OSBPL2: variants seen among roughly 807,000 people sequenced by gnomAD.
OSBPL2 encodes the protein oxysterol binding protein like 2.
In OSBPL2, 18 loss-of-function variants were observed where a neutral mutation model predicts 58.4. The ratio of observed to expected loss-of-function variants is 0.31; its 90% CI spans 0.21 to 0.46. The LOEUF (loss-of-function observed/expected upper bound fraction) is 0.46. OSBPL2 is among the 20% of genes least tolerant of loss of function. The pLI is 1.00. For synonymous variants in OSBPL2, 221 were observed against 234.1 expected (o/e 0.94, Z 0.51); for missense variants, 461 against 616.5 (o/e 0.75, Z 2.67).
At chr20:62,272,815 G>A (rs1982147871) in intron 5 of OSBPL2, among the ~76,000 whole-genome samples, 1 of 152,228 alleles carries the variant, frequency 6.6e-6, no homozygotes, top group Non-Finnish European at 1.5e-5. Context: ...AGGATCGCTT[G>A]TGCCCAGGAG....
chr20:62,277,307 A>G (rs879412598), intron 6 of OSBPL2, among the ~76,000 whole-genome samples: 7 of 152,266 alleles, frequency 4.6e-5, no homozygotes, highest in African/African-American at 1.4e-4. Flanking sequence ...TCTAGATGAT[A>G]GAGAAGAAGC....
intron 4 of OSBPL2, among the ~76,000 whole-genome samples, chr20:62,267,955 TC>T (rs1250196992): frequency 2.0e-5 from 3 of 152,106 alleles, no homozygotes; most frequent in Non-Finnish European, 4.4e-5. Flanking sequence ...CGATCTCAGC[TC>T]ACTGCAACCT....
At chr20:62,287,768 T>C (rs908978534) in intron 11 of OSBPL2, among the ~76,000 whole-genome samples, 6 of 152,360 alleles carry the variant, frequency 3.9e-5, no homozygotes, top group African/African-American at 1.4e-4. Flanking sequence ...AATGATACTA[T>C]TGGTATTTTA....
chr20:62,251,397 A>G (rs1203727724), intron 1 of OSBPL2, among the ~76,000 whole-genome samples: 1 of 139,552 alleles, frequency 7.2e-6, no homozygotes, highest in African/African-American at 2.7e-5. Flanking sequence ...AGATATTCAT[A>G]CTATCGTGAC....
chr20:62,268,272 A>G (rs1291965002), intron 4 of OSBPL2, among the ~76,000 whole-genome samples: 1 of 149,030 alleles, frequency 6.7e-6, no homozygotes, highest in Non-Finnish European at 1.5e-5. Context: ...ACATAGGTTC[A>G]TTTGTTTCAT....
chr20:62,266,273 G>A (rs6143009), intron 4 of OSBPL2, among the ~76,000 whole-genome samples: 1,758 of 152,126 alleles, frequency 0.012, 28 homozygotes, highest in African/African-American at 0.041. Flanking sequence ...GTAGAAAGGC[G>A]CTGGGAGGGG....
At position 62,269,859 on chromosome 20, in the gene OSBPL2, G is replaced by A. The variant is rs1424131666; in HGVS notation, c.259-2266G>A. Among the ~76,000 whole-genome samples the A allele has an allele frequency of 3.3e-5, 5 of 152,310 alleles. No individual in the cohort carries two copies. In the East Asian group the frequency reaches 9.7e-4, roughly 29 times the overall value. ...GCAGTCTTGGCCACACCCATGTGCC[G>A]GGGCTGCCTCAGTTGGAATCCAGTT... On this transcript the variant is annotated intron_variant, in intron 4 of 13. Transcript: ENST00000313733. The surrounding 1 kb of genome is among the most constrained non-coding windows in gnomAD (Gnocchi z 4.2).
Position 62,294,028 on chromosome 20 carries a change from A to T in OSBPL2, c.*141A>T, listed in dbSNP as rs1983708290. On this transcript the variant is annotated 3_prime_UTR_variant, in exon 14 of 14. Coordinates refer to ENST00000313733, the MANE Select transcript of OSBPL2 (RefSeq NM_144498.4). ...GAGATAGCATCATCCCTGATCAAGG[A>T]TGTAATTCTAATTAACTGTTGATTG... 2 of 1,121,162 alleles carry T rather than the reference A, an allele frequency of 1.8e-6. No individual in the cohort carries two copies. The highest frequency in any genetic ancestry group is 2.4e-6 in the Non-Finnish European group (2 of 817,796). The allele number at this position is 1,121,162 out of a possible 1,614,324, so 69.5% of individuals were successfully genotyped here.
intron 4 of OSBPL2, among the ~76,000 whole-genome samples, chr20:62,268,049 ATTTTTTTTT>A (rs149417240): frequency 8.6e-6 from 1 of 116,188 alleles, no homozygotes; most frequent in Non-Finnish European, 1.8e-5. Context: ...TGCCCGGCTA[ATTTTTTTTT>A]TTTTTTTTTT....
At chr20:62,283,674 G>A (rs1424789523) in intron 9 of OSBPL2, among the ~76,000 whole-genome samples, 1 of 152,088 alleles carries the variant, frequency 6.6e-6, no homozygotes, top group Non-Finnish European at 1.5e-5. Context: ...ATTTTAAAAC[G>A]CTCACTCTTT....
intron 11 of OSBPL2, among the ~76,000 whole-genome samples, chr20:62,287,909 C>G (rs1983236062): frequency 6.6e-6 from 1 of 152,178 alleles, no homozygotes; most frequent in African/African-American, 2.4e-5. Context: ...GGCCTGGGCA[C>G]TAGAACCAGG....
chr20:62,266,258 G>C (rs1568837798), intron 4 of OSBPL2, among the ~76,000 whole-genome samples: 1 of 152,216 alleles, frequency 6.6e-6, no homozygotes, highest in African/African-American at 2.4e-5. Flanking sequence ...GGACTGGCAA[G>C]CATAGTAGAA....
At chr20:62,287,547 T>A (rs1194961418) in intron 11 of OSBPL2, among the ~76,000 whole-genome samples, 1 of 152,112 alleles carries the variant, frequency 6.6e-6, no homozygotes, top group Non-Finnish European at 1.5e-5. Flanking sequence ...GGCTCCAATT[T>A]CTGGGCTCAA....
In OSBPL2 at chr20:62,269,919, C is replaced by G. The variant is rs1377231812; in HGVS notation, c.259-2206C>G. Among the ~76,000 whole-genome samples the G allele has an allele frequency of 1.3e-5, 2 of 152,248 alleles. No individual in the cohort carries two copies. The highest frequency in any genetic ancestry group is 4.8e-5 in the African/African-American group (2 of 41,460). On this transcript the variant is annotated intron_variant, in intron 4 of 13. Coordinates refer to ENST00000313733, the MANE Select transcript of OSBPL2 (RefSeq NM_144498.4). This position sits in a 1 kb window ranked among gnomAD's most constrained non-coding sequence, Gnocchi z 4.2. Reference sequence around the variant, plus strand: ...CCTAAGCCCACAGTCCCCGTGTGTCCAGTGCCATCTGGGGCCTGCTCGCCC... The same window carrying G: ...CCTAAGCCCACAGTCCCCGTGTGTCGAGTGCCATCTGGGGCCTGCTCGCCC...
At chr20:62,266,731 C>T (rs1358646464) in intron 4 of OSBPL2, among the ~76,000 whole-genome samples, 2 of 152,156 alleles carry the variant, frequency 1.3e-5, no homozygotes, top group Admixed American at 1.3e-4. Context: ...GTAAATATTT[C>T]TTATGTATAT....
At chr20:62,283,983 CAT>C in intron 9 of OSBPL2, 61 bp from the exon 10 acceptor site, 1 of 1,504,336 alleles carries the variant, frequency 6.6e-7, no homozygotes, top group Admixed American at 1.9e-5. Context: ...CAGGGTGCCA[CAT>C]GTTTAGACAA....
intron 11 of OSBPL2, among the ~76,000 whole-genome samples, chr20:62,287,259 TCA>T (rs1488491132): frequency 6.6e-6 from 1 of 152,236 alleles, no homozygotes; most frequent in Non-Finnish European, 1.5e-5. Context: ...ATGATAAATA[TCA>T]CACGTAATAT....
chr20:62,260,908 T>C (rs1981254622), intron 3 of OSBPL2, among the ~76,000 whole-genome samples: 1 of 152,142 alleles, frequency 6.6e-6, no homozygotes, highest in African/African-American at 2.4e-5. Context: ...GAGGATCCCT[T>C]GAGCCCAGAA....
chr20:62,282,027 C>T (rs1205538512), intron 9 of OSBPL2, 148 bp downstream of exon 9: 2 of 471,068 alleles, frequency 4.2e-6, no homozygotes, highest in Non-Finnish European at 3.9e-6. Context: ...AAGTATGACT[C>T]TTTTTTGTTT....
Sources: gnomAD v4.1 joint callset for allele counts (sites outside exome capture counted in the v4.1 genomes callset) on GRCh38, gnomAD v4.1.1 for gene constraint, Gnocchi (gnomAD v3.1) non-coding constraint, MANE v1.5 for transcripts, NCBI Gene and HGNC (gene_info 2026-07-23, HGNC 2026-07-21) for gene names.